CDC42BPA: variants seen among roughly 807,000 people sequenced by gnomAD.
The protein encoded by CDC42BPA is serine/threonine-protein kinase MRCK alpha.
A neutral mutation model predicts 223.5 loss-of-function variants in CDC42BPA; 80 were observed. That is an observed-to-expected ratio of 0.36 (90% CI 0.30 to 0.43). The LOEUF is 0.43. CDC42BPA is among the 20% of genes least tolerant of loss of function. CDC42BPA has a pLI of 1.00. For synonymous variants in CDC42BPA, 694 were observed against 718.6 expected, an observed-to-expected ratio of 0.97 and a Z score of 0.55; for missense variants, 1,743 against 2,099.9, an observed-to-expected ratio of 0.83 and a Z score of 3.32.
At chr1:227,315,678 G>A (rs1488605103) in intron 1 of CDC42BPA, among the ~76,000 whole-genome samples, 3 of 151,914 alleles carry the variant, frequency 2.0e-5, no homozygotes, top group South Asian at 2.1e-4. Flanking sequence ...AATAAAAGAC[G>A]TATACTCACA....
chr1:227,312,219 A>G (rs2148826403), intron 1 of CDC42BPA, among the ~76,000 whole-genome samples: 1 of 152,294 alleles, frequency 6.6e-6, no homozygotes, highest in Admixed American at 6.5e-5. Flanking sequence ...CCAGCAGGAG[A>G]AAAACAATGA....
chr1:227,038,162 A>C (rs1670650692), intron 24 of CDC42BPA, among the ~76,000 whole-genome samples: 1 of 109,744 alleles, frequency 9.1e-6, no homozygotes, highest in African/African-American at 4.2e-5. Flanking sequence ...TGCTCTGGTG[A>C]TAGTGATTAA....
At chr1:227,055,002 A>G (rs1674264397) in intron 21 of CDC42BPA, among the ~76,000 whole-genome samples, 1 of 152,010 alleles carries the variant, frequency 6.6e-6, no homozygotes, top group Admixed American at 6.5e-5. Context: ...GGCATATTAA[A>G]AAGTTGAACT....
chr1:227,104,601 T>A (rs984437007), intron 14 of CDC42BPA, among the ~76,000 whole-genome samples: 1 of 152,202 alleles, frequency 6.6e-6, no homozygotes, highest in Non-Finnish European at 1.5e-5. Flanking sequence ...AATTCCTATG[T>A]TGAAGCCCTA....
At chr1:227,147,838 A>G (rs924419372) in intron 6 of CDC42BPA, among the ~76,000 whole-genome samples, 1 of 152,022 alleles carries the variant, frequency 6.6e-6, no homozygotes, top group Non-Finnish European at 1.5e-5. Context: ...TTAAGAACAA[A>G]CTGAATATTT....
chr1:227,240,692 CAA>C (rs35377176), intron 2 of CDC42BPA, among the ~76,000 whole-genome samples: 8 of 140,676 alleles, frequency 5.7e-5, no homozygotes, highest in Non-Finnish European at 9.4e-5. Context: ...GCTACAAATA[CAA>C]AAAAAAAAAT....
intron 1 of CDC42BPA, among the ~76,000 whole-genome samples, chr1:227,263,914 G>A (rs1188870403): frequency 6.6e-6 from 1 of 152,124 alleles, no homozygotes; most frequent in East Asian, 1.9e-4. Context: ...ATCCAGCAGT[G>A]GCCTAAAGAA....
At chr1:227,068,730 T>C (rs753670276) in intron 21 of CDC42BPA, 23 of 929,670 alleles carry the variant, frequency 2.5e-5, no homozygotes, top group South Asian at 1.1e-4. Flanking sequence ...AATAAAAAAA[T>C]AGAAAATATG....
chr1:227,124,907 T>G (rs1689274537), intron 11 of CDC42BPA, among the ~76,000 whole-genome samples: 2 of 152,116 alleles, frequency 1.3e-5, no homozygotes, highest in Admixed American at 1.3e-4. Context: ...CTTAAAACCC[T>G]AAGACATTAT....
intron 5 of CDC42BPA, among the ~76,000 whole-genome samples, chr1:227,177,079 T>TC (rs1014523464): frequency 2.6e-4 from 10 of 38,902 alleles, no homozygotes; most frequent in Admixed American, 1.3e-3. Context: ...TCATTCAATA[T>TC]CCCAAAAAAC....
At chr1:227,306,345 C>T (rs1572985958) in intron 1 of CDC42BPA, among the ~76,000 whole-genome samples, 1 of 152,126 alleles carries the variant, frequency 6.6e-6, no homozygotes, top group Admixed American at 6.5e-5. Flanking sequence ...GAGCCAGATG[C>T]ACACAGAGGT....
rs1274688763 is a variant in CDC42BPA at position 227,147,802 on chromosome 1, CAATTT to C, written c.694-248_694-244del. On this transcript the variant is annotated intron_variant, in intron 6 of 36. Transcript: ENST00000366766. ...ACTTAACTGATGACATTGAGAGGAA[CAATTT>C]AATTTAAACCATCATACCAATTAAG... Among the ~76,000 whole-genome samples the C allele has an allele frequency of 2.6e-5, 4 of 151,512 alleles. No homozygotes were observed. The Middle Eastern group carries it at 0.01, about 392-fold the overall frequency.
At position 226,994,434 on chromosome 1, in the gene CDC42BPA, A is replaced by AG. The variant is rs1197025879; in HGVS notation, c.5134-36dup. 5 of 1,463,244 alleles carry AG rather than the reference A, an allele frequency of 3.4e-6. No individual in the cohort carries two copies. In the African/African-American group the frequency reaches 5.7e-5, roughly 17 times the overall value. 90.6% of individuals were successfully genotyped at this position (1,463,244 alleles called of 1,614,324 possible). A position where few individuals can be genotyped will look rare whatever the true frequency, so the allele number is the denominator to read the frequency against. On this transcript the variant is annotated intron_variant, in intron 36 of 36. Coordinates refer to ENST00000366766, the MANE Select transcript of CDC42BPA (RefSeq NM_001394014.1). This position sits in a 1 kb window ranked among gnomAD's most constrained non-coding sequence, Gnocchi z 4.0. ...CCAAAGTAAAACATTAATGAGAAGG[A>AG]GGGGGAGAAAGGGAGGCAGAAGGGG...
At chr1:227,026,233 T>A in intron 30 of CDC42BPA, 81 bp from the exon 31 acceptor site, 1 of 727,694 alleles carries the variant, frequency 1.4e-6, no homozygotes, top group East Asian at 2.7e-5. Flanking sequence ...CTACACTAAA[T>A]AACTGTAGAG....
At chr1:227,187,689 C>A (rs28886284) in intron 5 of CDC42BPA, among the ~76,000 whole-genome samples, 1,212 of 56,152 alleles carry the variant, frequency 0.022, 90 homozygotes, top group African/African-American at 0.067. Context: ...ACCCCCCCCC[C>A]AAAAAAAAAA....
chr1:227,295,174 A>AT (rs957275612), intron 1 of CDC42BPA, among the ~76,000 whole-genome samples: 21 of 152,144 alleles, frequency 1.4e-4, no homozygotes, highest in African/African-American at 4.6e-4. Context: ...ATGAAATATA[A>AT]TTTTTTCTTT....
chr1:227,040,279 G>A (rs1211530848), intron 23 of CDC42BPA, 43 bp from the exon 24 acceptor site: 1 of 1,277,584 alleles, frequency 7.8e-7, no homozygotes, highest in East Asian at 2.3e-5. Context: ...TTGTTTAAAA[G>A]ATTTCCATAA....
chr1:227,229,053 G>C (rs1441588011), intron 2 of CDC42BPA, among the ~76,000 whole-genome samples: 5 of 151,846 alleles, frequency 3.3e-5, no homozygotes, highest in Non-Finnish European at 5.9e-5. Context: ...TTTTTTCTTT[G>C]ATGCCTGAGA....
chr1:227,070,170 T>C (rs1677982103), intron 20 of CDC42BPA, among the ~76,000 whole-genome samples: 1 of 151,886 alleles, frequency 6.6e-6, no homozygotes, highest in Admixed American at 6.6e-5. Flanking sequence ...AATAGGAGTC[T>C]GTTTATATCT....
Sources: gnomAD v4.1 joint callset for allele counts (sites outside exome capture counted in the v4.1 genomes callset) on GRCh38, gnomAD v4.1.1 for gene constraint, Gnocchi (gnomAD v3.1) non-coding constraint, MANE v1.5 for transcripts, NCBI Gene and HGNC (gene_info 2026-07-23, HGNC 2026-07-21) for gene names.